FARP1: variants seen among roughly 807,000 people sequenced by gnomAD.
The protein encoded by FARP1 is FERM, ARH/RhoGEF and pleckstrin domain protein 1, also known as FERM, ARHGEF and pleckstrin domain-containing protein 1.
In FARP1, 52 loss-of-function variants were observed where a neutral mutation model predicts 128.8. The observed-to-expected ratio is 0.40, with a 90% CI of 0.32 to 0.51. FARP1 has a LOEUF of 0.51. Among genes scored for constraint, FARP1 ranks in the 20% least tolerant of loss-of-function variants. The probability of loss-of-function intolerance (pLI) is 0.45; values close to 1 mark genes in which losing one functional copy is unlikely to be tolerated. For synonymous variants in FARP1, 580 were observed against 551.8 expected, an observed-to-expected ratio of 1.05 and a Z score of -0.72; for missense variants, 1,333 against 1,367.9, an observed-to-expected ratio of 0.97 and a Z score of 0.40.
chr13:98,212,755 C>T (rs1880810735), intron 1 of FARP1, among the ~76,000 whole-genome samples: 9 of 152,140 alleles, frequency 5.9e-5, no homozygotes, highest in Admixed American at 5.9e-4. Context: ...TCTATTTCCT[C>T]AACCAGATTA....
At chr13:98,199,993 C>T (rs1238028026) in intron 1 of FARP1, among the ~76,000 whole-genome samples, 2 of 152,178 alleles carry the variant, frequency 1.3e-5, no homozygotes, top group Non-Finnish European at 2.9e-5. Context: ...TTCACCTCCA[C>T]TTCCATTCTA....
chr13:98,424,712 T>C, intron 17 of FARP1, 62 bp downstream of exon 17: 2 of 1,128,196 alleles, frequency 1.8e-6, no homozygotes, highest in Non-Finnish European at 2.7e-6. Context: ...GGGGCTGCCA[T>C]GGGCATAGGC....
chr13:98,315,990 A>G (rs896956801), intron 2 of FARP1, among the ~76,000 whole-genome samples: 8 of 152,150 alleles, frequency 5.3e-5, no homozygotes, highest in African/African-American at 1.9e-4. Flanking sequence ...GTGCCTTCCA[A>G]CAGTGACACT....
At chr13:98,353,259 G>A (rs1299590692) in intron 3 of FARP1, among the ~76,000 whole-genome samples, 1 of 152,170 alleles carries the variant, frequency 6.6e-6, no homozygotes, top group African/African-American at 2.4e-5. Flanking sequence ...CCTGTAGAGG[G>A]CGGGAGTTCA....
At chr13:98,412,145 C>A in intron 16 of FARP1, 111 bp downstream of exon 16, 1 of 1,035,438 alleles carries the variant, frequency 9.7e-7, no homozygotes, top group Non-Finnish European at 1.4e-6. Context: ...AGGCAGGAAA[C>A]TGGCTTACAA....
chr13:98,298,960 T>G (rs764453019), intron 2 of FARP1, among the ~76,000 whole-genome samples: 4 of 152,126 alleles, frequency 2.6e-5, no homozygotes, highest in African/African-American at 4.8e-5. Context: ...AAGTTTTAAG[T>G]GGAGGGGCTG....
At chr13:98,332,920 C>G (rs1222584197) in intron 2 of FARP1, 1 of 152,188 alleles carries the variant, frequency 6.6e-6, no homozygotes, top group Admixed American at 6.5e-5. Context: ...GGACTAAGTT[C>G]AACACAATTT....
intron 2 of FARP1, among the ~76,000 whole-genome samples, chr13:98,260,939 G>A (rs1883849598): frequency 6.6e-6 from 1 of 152,188 alleles, no homozygotes; most frequent in Admixed American, 6.5e-5. Flanking sequence ...TAAACACCGA[G>A]GCAGGAGGAA....
At chr13:98,421,072 G>T (rs373734976) in intron 16 of FARP1, among the ~76,000 whole-genome samples, 37 of 152,226 alleles carry the variant, frequency 2.4e-4, no homozygotes, top group African/African-American at 8.4e-4. Context: ...GAGGCCTCCA[G>T]CCTGTACTCA....
intron 2 of FARP1, among the ~76,000 whole-genome samples, chr13:98,301,416 A>T (rs1175444701): frequency 6.6e-6 from 1 of 152,218 alleles, no homozygotes; most frequent in Non-Finnish European, 1.5e-5. Flanking sequence ...GGCAAGTGAG[A>T]GAAGCCTGAA....
At chr13:98,416,306 T>C (rs1187081757) in intron 16 of FARP1, among the ~76,000 whole-genome samples, 5 of 152,258 alleles carry the variant, frequency 3.3e-5, no homozygotes, top group African/African-American at 4.8e-5. Context: ...GAATTTGGTA[T>C]ATAAGTGATC....
intron 2 of FARP1, among the ~76,000 whole-genome samples, chr13:98,340,422 G>A (rs549982203): frequency 1.3e-5 from 2 of 151,602 alleles, no homozygotes; most frequent in East Asian, 3.9e-4. Context: ...TCGGCTCACT[G>A]CAACCTCCGC....
intron 2 of FARP1, among the ~76,000 whole-genome samples, chr13:98,260,071 T>C (rs1453175298): frequency 6.6e-6 from 1 of 152,156 alleles, no homozygotes; most frequent in Non-Finnish European, 1.5e-5. Context: ...TTGCATCTGC[T>C]AGGTGGGCGG....
chr13:98,365,497 C>A, intron 4 of FARP1, 60 bp downstream of exon 4: 1 of 1,232,480 alleles, frequency 8.1e-7, no homozygotes, highest in Non-Finnish European at 1.2e-6. Context: ...AGTTTCATGT[C>A]TAGACATCTC....
intron 6 of FARP1, among the ~76,000 whole-genome samples, chr13:98,381,239 A>T (rs1889877220): frequency 6.6e-6 from 1 of 152,204 alleles, no homozygotes; most frequent in Non-Finnish European, 1.5e-5. Context: ...GAGGCATTTC[A>T]TAGAGTCTTC....
At chr13:98,414,017 G>A (rs1333599344) in intron 16 of FARP1, among the ~76,000 whole-genome samples, 1 of 152,156 alleles carries the variant, frequency 6.6e-6, no homozygotes, top group African/African-American at 2.4e-5. Flanking sequence ...GGTGGCTTTG[G>A]CTGGCTCCCC....
chr13:98,160,518 T>C (rs1042005116), intron 1 of FARP1, among the ~76,000 whole-genome samples: 1 of 152,160 alleles, frequency 6.6e-6, no homozygotes, highest in Non-Finnish European at 1.5e-5. Context: ...TTTTTGTTAA[T>C]TGCAAAAATA....
chr13:98,255,529 G>A (rs1228607180), intron 2 of FARP1, among the ~76,000 whole-genome samples: 2 of 152,122 alleles, frequency 1.3e-5, no homozygotes, highest in Non-Finnish European at 2.9e-5. Context: ...AAAACTAGTG[G>A]TTGCTGTGTT....
At chr13:98,157,554 C>G (rs1301289329) in intron 1 of FARP1, among the ~76,000 whole-genome samples, 2 of 152,212 alleles carry the variant, frequency 1.3e-5, no homozygotes. Context: ...CTCCTCTCCA[C>G]TCATTTTGGT....
Sources: gnomAD v4.1 joint callset for allele counts (sites outside exome capture counted in the v4.1 genomes callset) on GRCh38, gnomAD v4.1.1 for gene constraint, MANE v1.5 for transcripts, NCBI Gene and HGNC (gene_info 2026-07-23, HGNC 2026-07-21) for gene names.